The following ATXN1 variants were observed in gnomAD, a reference collection of about 807,000 sequenced individuals.
ATXN1 encodes ataxin-1.
A neutral mutation model predicts 56.4 loss-of-function variants in ATXN1; 8 were observed. The observed-to-expected ratio is 0.14, with a 90% CI of 0.08 to 0.26. The LOEUF (loss-of-function observed/expected upper bound fraction) is 0.26. ATXN1 is among the 10% of genes least tolerant of loss of function. The pLI, the probability that ATXN1 is intolerant of heterozygous loss-of-function variation, is 1.00. For missense variants in ATXN1, 987 were observed against 1,106.5 expected, an observed-to-expected ratio of 0.89 and a Z score of 1.53; for synonymous variants, 514 against 494.6, an observed-to-expected ratio of 1.04 and a Z score of -0.52.
chr6:16,508,182 T>A (rs1443716220), intron 5 of ATXN1, among the ~76,000 whole-genome samples: 1 of 152,164 alleles, frequency 6.6e-6, no homozygotes, highest in African/African-American at 2.4e-5. Context: ...TAGATGAACG[T>A]CAAGATGATG....
chr6:16,483,766 C>T (rs1004932177), intron 6 of ATXN1, among the ~76,000 whole-genome samples: 8 of 152,158 alleles, frequency 5.3e-5, no homozygotes, highest in African/African-American at 7.2e-5. Flanking sequence ...TTCAAAGCAA[C>T]GGTTAAAACA....
intron 4 of ATXN1, among the ~76,000 whole-genome samples, chr6:16,556,706 GAAC>G (rs1267197309): frequency 7.2e-5 from 11 of 152,208 alleles, no homozygotes; most frequent in Admixed American, 4.6e-4. Context: ...TTAAAAATAG[GAAC>G]AACATGAGGA....
chr6:16,397,366 T>C lies in ATXN1; in HGVS notation c.-160-68896A>G, dbSNP rs55739923. On this transcript the variant is annotated intron_variant, in intron 6 of 7. Transcript: ENST00000436367. The stretch of plus-strand genomic sequence containing the variant: ...GCTCACTGCAACCTCCACCTCCAAG[T>C]GATTCTCCTGCTTCAGCCTCCCGAG... 9.3e-3 allele frequency among the ~76,000 whole-genome samples: 1,415 copies of C among 152,180 alleles called. 19 individuals are homozygous for C. Among genetic ancestry groups the C allele is most frequent in the African/African-American group, 0.032 (1,338 of 41,528 alleles).
intron 3 of ATXN1, among the ~76,000 whole-genome samples, chr6:16,631,970 G>A (rs1393885453): frequency 6.6e-6 from 1 of 152,100 alleles, no homozygotes; most frequent in African/African-American, 2.4e-5. Flanking sequence ...GCTATGGTGG[G>A]GCATGGATTC....
chr6:16,623,357 A>C (rs1763352855), intron 3 of ATXN1, among the ~76,000 whole-genome samples: 1 of 150,124 alleles, frequency 6.7e-6, no homozygotes, highest in African/African-American at 2.4e-5. Flanking sequence ...CATTTTTCAA[A>C]CTTGGACCAA....
At chr6:16,761,119 C>T (rs1761086252) in intron 1 of ATXN1, 179 bp downstream of exon 1, 1 of 365,872 alleles carries the variant, frequency 2.7e-6, no homozygotes, top group African/African-American at 2.1e-5. Flanking sequence ...CGTCGATTTC[C>T]TTCGCTCCTC....
intron 3 of ATXN1, among the ~76,000 whole-genome samples, chr6:16,644,719 G>A (rs1290294666): frequency 1.3e-5 from 2 of 152,090 alleles, no homozygotes; most frequent in Non-Finnish European, 2.9e-5. Context: ...CAAAGTGGGT[G>A]AGAGTGGTGC....
chr6:16,684,857 T>C (rs1355862685), intron 2 of ATXN1, among the ~76,000 whole-genome samples: 1 of 152,166 alleles, frequency 6.6e-6, no homozygotes, highest in Non-Finnish European at 1.5e-5. Context: ...GGCTGGTTTT[T>C]TTTTTTTGAA....
intron 6 of ATXN1, among the ~76,000 whole-genome samples, chr6:16,440,322 G>A (rs1277016210): frequency 6.6e-6 from 1 of 150,890 alleles, no homozygotes; most frequent in Admixed American, 6.6e-5. Flanking sequence ...AAGAAAATGA[G>A]GAAGTAAGAA....
intron 7 of ATXN1, among the ~76,000 whole-genome samples, chr6:16,310,067 C>A (rs1267772746): frequency 7.6e-6 from 1 of 132,000 alleles, no homozygotes; most frequent in African/African-American, 3.0e-5. Flanking sequence ...AGAGAAACTC[C>A]ATTAAAAAAA....
intron 4 of ATXN1, among the ~76,000 whole-genome samples, chr6:16,559,224 C>T (rs907381580): frequency 6.6e-6 from 1 of 152,044 alleles, no homozygotes; most frequent in African/African-American, 2.4e-5. Flanking sequence ...GCAAGGTTTA[C>T]CAAAATTAAA....
At chr6:16,389,594 G>A (rs530070054) in intron 6 of ATXN1, among the ~76,000 whole-genome samples, 6 of 152,252 alleles carry the variant, frequency 3.9e-5, no homozygotes, top group East Asian at 3.9e-4. Context: ...TGAACTTATC[G>A]ACAATCCTTT....
intron 6 of ATXN1, among the ~76,000 whole-genome samples, chr6:16,360,831 G>C (rs1217759542): frequency 2.0e-5 from 3 of 152,176 alleles, no homozygotes. Flanking sequence ...CTCACATTCA[G>C]ACCTGTCTGT....
chr6:16,480,732 C>T (rs776204066), intron 6 of ATXN1, among the ~76,000 whole-genome samples: 48 of 152,128 alleles, frequency 3.2e-4, no homozygotes, highest in Non-Finnish European at 8.8e-5. Context: ...TTGTTTCACC[C>T]CATAGAACAC....
In ATXN1 at chr6:16,304,538, A is replaced by T. The variant is rs1266986428; in HGVS notation, c.*1791T>A. 1 of 152,628 alleles carries T rather than the reference A, an allele frequency of 6.6e-6. No homozygotes were observed. The highest frequency in any genetic ancestry group is 1.9e-4 in the East Asian group (1 of 5,204). The allele number at this position is 152,628 out of a possible 1,614,324, so 9.5% of individuals were successfully genotyped here. On this transcript the variant is annotated 3_prime_UTR_variant, in exon 8 of 8. Coordinates refer to ENST00000436367, the MANE Select transcript of ATXN1 (RefSeq NM_001128164.2). ...CACATATATAAATGTCTTTATGGAA[A>T]ACTCTCTCAATGAATCTGAAGAAAA...
chr6:16,349,224 G>T (rs530829691), intron 6 of ATXN1, among the ~76,000 whole-genome samples: 3 of 152,150 alleles, frequency 2.0e-5, no homozygotes, highest in African/African-American at 7.2e-5. Context: ...ACATTTTCAG[G>T]CTGGGCATGG....
Position 16,586,376 on chromosome 6 carries a change from C to T in ATXN1, c.-488-469G>A, listed in dbSNP as rs115210681. ...AATTCAGTGCATGTATTTACCATTCCGGCCTCACTTTCACTTTTGAAACTA... is the reference window on the plus strand; with the variant it reads ...AATTCAGTGCATGTATTTACCATTCTGGCCTCACTTTCACTTTTGAAACTA... On this transcript the variant is annotated intron_variant, in intron 3 of 7. Coordinates refer to ENST00000436367, the MANE Select transcript of ATXN1 (RefSeq NM_001128164.2). Among the ~76,000 whole-genome samples, 510 of 152,276 alleles carry T rather than the reference C, an allele frequency of 3.3e-3. 2 individuals carry two copies. The highest frequency in any genetic ancestry group is 0.011 in the African/African-American group (476 of 41,538).
intron 6 of ATXN1, among the ~76,000 whole-genome samples, chr6:16,385,484 G>T (rs145997929): frequency 6.6e-6 from 1 of 152,220 alleles, no homozygotes; most frequent in African/African-American, 2.4e-5. Context: ...CACCAAGGCT[G>T]CTGAATGGCT....
intron 6 of ATXN1, among the ~76,000 whole-genome samples, chr6:16,433,372 C>T (rs376488738): frequency 3.3e-5 from 5 of 152,074 alleles, no homozygotes; most frequent in Non-Finnish European, 5.9e-5. Context: ...TCACCTGGAC[C>T]GCAACAGAAA....
Sources: gnomAD v4.1 joint callset for allele counts (sites outside exome capture counted in the v4.1 genomes callset) on GRCh38, gnomAD v4.1.1 for gene constraint, MANE v1.5 for transcripts, NCBI Gene and HGNC (gene_info 2026-07-23, HGNC 2026-07-21) for gene names.